Variants in MKLN1 observed in about 807,000 individuals in gnomAD.
MKLN1 encodes muskelin.
A neutral mutation model predicts 99.0 loss-of-function variants in MKLN1; 18 were observed. That is an observed-to-expected ratio of 0.18 (90% CI 0.13 to 0.27). The LOEUF is 0.27. Ranked by LOEUF, MKLN1 falls within the 10% of genes least tolerant of loss-of-function variation. The pLI is 1.00. For missense variants in MKLN1, 621 were observed against 875.9 expected (o/e 0.71, Z 3.67); for synonymous variants, 288 against 293.2 (o/e 0.98, Z 0.18).
At chr7:131,137,319 A>C (rs1411981181) in intron 1 of MKLN1, among the ~76,000 whole-genome samples, 1 of 152,218 alleles carries the variant, frequency 6.6e-6, no homozygotes, top group African/African-American at 2.4e-5. Context: ...AAAGAAAAAG[A>C]GTGTCAATGA....
At chr7:131,121,057 A>G (rs1478325043) in intron 1 of MKLN1, among the ~76,000 whole-genome samples, 1 of 152,252 alleles carries the variant, frequency 6.6e-6, no homozygotes, top group Non-Finnish European at 1.5e-5. Context: ...TACAGGAAGC[A>G]TAGCTGGAGA....
intron 1 of MKLN1, among the ~76,000 whole-genome samples, chr7:131,338,747 CCTT>C (rs1799321219): frequency 6.6e-6 from 1 of 152,112 alleles, no homozygotes; most frequent in African/African-American, 2.4e-5. Flanking sequence ...TAAGTGTTTT[CCTT>C]CATTAACTGC....
chr7:131,349,342 C>T (rs530405104), intron 1 of MKLN1, among the ~76,000 whole-genome samples: 27 of 152,124 alleles, frequency 1.8e-4, no homozygotes, highest in Non-Finnish European at 3.4e-4. Context: ...ACTACAGGTG[C>T]GTGCCACCAC....
chr7:131,262,866 G>A (rs763381848), intron 3 of MKLN1, among the ~76,000 whole-genome samples: 2 of 152,008 alleles, frequency 1.3e-5, no homozygotes, highest in Non-Finnish European at 2.9e-5. Context: ...GTTTCTTAAG[G>A]CTCTTTATTT....
At chr7:131,156,316 A>G (rs1795962898) in intron 2 of MKLN1, among the ~76,000 whole-genome samples, 5 of 151,996 alleles carry the variant, frequency 3.3e-5, no homozygotes, top group Admixed American at 3.3e-4. Flanking sequence ...TCACGAGGTC[A>G]GGAGATCGAG....
intron 3 of MKLN1, among the ~76,000 whole-genome samples, chr7:131,250,160 C>A (rs1036163540): frequency 6.6e-6 from 1 of 152,056 alleles, no homozygotes; most frequent in African/African-American, 2.4e-5. Context: ...CTGACCATGG[C>A]GATCAGCCAC....
rs959797571 is a variant in MKLN1 at position 131,495,972 on chromosome 7, A to G, written c.*8244A>G. 1 of 152,230 alleles carries G rather than the reference A, an allele frequency of 6.6e-6. No individual in the cohort carries two copies. The highest frequency in any genetic ancestry group is 1.5e-5 in the Non-Finnish European group (1 of 68,038). 9.4% of individuals were successfully genotyped at this position (152,230 alleles called of 1,614,324 possible). On this transcript the variant is annotated 3_prime_UTR_variant, in exon 18 of 18. Coordinates refer to ENST00000352689, the MANE Select transcript of MKLN1 (RefSeq NM_013255.5). ...AACTCACACTCAAAAAGGATGAGCT[A>G]TTGTCAAAAGCCAAAAGAAAAACAG...
intron 2 of MKLN1, among the ~76,000 whole-genome samples, chr7:131,171,367 A>C (rs1796212444): frequency 6.6e-6 from 1 of 152,234 alleles, no homozygotes; most frequent in Admixed American, 6.5e-5. Flanking sequence ...AGGGCAATAC[A>C]GTTGGCAGGT....
intron 2 of MKLN1, among the ~76,000 whole-genome samples, chr7:131,189,424 T>C (rs1473311758): frequency 6.6e-6 from 1 of 152,148 alleles, no homozygotes; most frequent in African/African-American, 2.4e-5. Flanking sequence ...CCTTAGCATT[T>C]CTTTTCCTGG....
At chr7:131,275,563 ATATATTTTTTTT>A (rs1362514688) in intron 3 of MKLN1, among the ~76,000 whole-genome samples, 11 of 9,044 alleles carry the variant, frequency 1.2e-3, no homozygotes, top group African/African-American at 5.7e-3. Context: ...ATATATATAT[ATATATTTTTTTT>A]TTTTTTTTTT....
intron 2 of MKLN1, among the ~76,000 whole-genome samples, chr7:131,158,232 G>C (rs1476274582): frequency 6.6e-6 from 1 of 152,156 alleles, no homozygotes; most frequent in Non-Finnish European, 1.5e-5. Flanking sequence ...CTGACGTCAG[G>C]AGTTCAAAAC....
chr7:131,209,585 C>A (rs1387168732), intron 3 of MKLN1, among the ~76,000 whole-genome samples: 1 of 152,188 alleles, frequency 6.6e-6, no homozygotes, highest in Non-Finnish European at 1.5e-5. Context: ...TGGCTGGGAA[C>A]AAGAAGTGTA....
chr7:131,363,431 A>G (rs922744751), intron 1 of MKLN1, among the ~76,000 whole-genome samples: 3 of 151,676 alleles, frequency 2.0e-5, no homozygotes, highest in Non-Finnish European at 2.9e-5. Flanking sequence ...GTTTCTTGCA[A>G]TTTCTCCAGA....
At chr7:131,231,025 C>A (rs908643641) in intron 3 of MKLN1, among the ~76,000 whole-genome samples, 1 of 140,130 alleles carries the variant, frequency 7.1e-6, no homozygotes, top group African/African-American at 2.6e-5. Flanking sequence ...GAGGCCGAGG[C>A]ACGAGAATCG....
intron 3 of MKLN1, among the ~76,000 whole-genome samples, chr7:131,283,033 G>T (rs1381697987): frequency 6.6e-6 from 1 of 152,176 alleles, no homozygotes; most frequent in Non-Finnish European, 1.5e-5. Context: ...AATTGGGCCT[G>T]TGCAACAGCT....
In MKLN1 at chr7:131,465,543, AT is replaced by A. The variant is rs1000383017; in HGVS notation, c.1789-720del. ...GTTAAAGCAAAATTAAGATGTTAAA[AT>A]TTTTTTTTTTTTGAGACGGAGTCTC... is the stretch of plus-strand genomic sequence containing the variant. On this transcript the variant is annotated intron_variant, in intron 14 of 17. Transcript: ENST00000352689. 3.8e-3 allele frequency among the ~76,000 whole-genome samples: 557 copies of A among 147,498 alleles called. 2 individuals carry two copies. The highest frequency in any genetic ancestry group is 3.5e-3 in the Middle Eastern group (1 of 282).
chr7:131,249,841 G>C (rs1797549760), intron 3 of MKLN1, among the ~76,000 whole-genome samples: 1 of 152,108 alleles, frequency 6.6e-6, no homozygotes, highest in African/African-American at 2.4e-5. Context: ...CTGGAGAGGG[G>C]AGCATGGCTC....
intron 8 of MKLN1, among the ~76,000 whole-genome samples, chr7:131,428,048 G>A (rs1795409759): frequency 6.6e-6 from 1 of 152,000 alleles, no homozygotes; most frequent in Admixed American, 6.6e-5. Flanking sequence ...GCACATTATT[G>A]TAGTCCCAGC....
chr7:131,479,880 C>T (rs1034727408), intron 17 of MKLN1, among the ~76,000 whole-genome samples: 8 of 150,284 alleles, frequency 5.3e-5, no homozygotes, highest in African/African-American at 1.2e-4. Context: ...ATAAATCAGC[C>T]GGGCACGGTG....
Sources: gnomAD v4.1 joint callset for allele counts (sites outside exome capture counted in the v4.1 genomes callset) on GRCh38, gnomAD v4.1.1 for gene constraint, MANE v1.5 for transcripts, NCBI Gene and HGNC (gene_info 2026-07-23, HGNC 2026-07-21) for gene names.